Variants in ARHGAP21 observed in about 807,000 individuals in gnomAD.
The protein encoded by ARHGAP21 is Rho GTPase activating protein 21.
ARHGAP21 carries 38 observed loss-of-function variants against 164.6 expected under a neutral mutation model. That is an observed-to-expected ratio of 0.23 (90% CI 0.18 to 0.30). The LOEUF is 0.30. Ranked by LOEUF, ARHGAP21 falls within the 10% of genes least tolerant of loss-of-function variation. ARHGAP21 has a pLI of 1.00. For missense variants in ARHGAP21, 1,822 were observed against 2,370.7 expected, an observed-to-expected ratio of 0.77 and a Z score of 4.81; for synonymous variants, 766 against 857.9, an observed-to-expected ratio of 0.89 and a Z score of 1.87.
chr10:24,619,153 A>T (rs1380677853), intron 9 of ARHGAP21, among the ~76,000 whole-genome samples: 1 of 152,210 alleles, frequency 6.6e-6, no homozygotes, highest in East Asian at 1.9e-4. Flanking sequence ...TTTTTCATTC[A>T]CCTGAATCAA....
chr10:24,614,686 G>A (rs2077401360), intron 9 of ARHGAP21, among the ~76,000 whole-genome samples: 1 of 151,412 alleles, frequency 6.6e-6, no homozygotes, highest in Non-Finnish European at 1.5e-5. Context: ...GGGAGACTGA[G>A]GTGGGAGAAT....
At chr10:24,586,910 C>T (rs375951638) in intron 25 of ARHGAP21, among the ~76,000 whole-genome samples, 64 of 152,138 alleles carry the variant, frequency 4.2e-4, no homozygotes, top group African/African-American at 1.3e-3. Flanking sequence ...CATGGTGGCA[C>T]GCACCTGTGG....
rs1269191072 is a variant in ARHGAP21 at position 24,590,363 on chromosome 10, C to T, written c.4150+862G>A. 2.0e-6 allele frequency: 3 copies of T among 1,535,354 alleles called. No individual in the cohort carries two copies. In the Admixed American group the frequency reaches 5.9e-5, roughly 30 times the overall value. ...TACAAGAATCGGGGATTTCTGCAGA[C>T]AAGGCAGCTACAGTGTGGACAACAG... On this transcript the variant is annotated intron_variant, in intron 24 of 25. Coordinates refer to ENST00000396432, the MANE Select transcript of ARHGAP21 (RefSeq NM_020824.4).
chr10:24,717,689 C>T (rs928385122), intron 2 of ARHGAP21, among the ~76,000 whole-genome samples: 3 of 152,122 alleles, frequency 2.0e-5, no homozygotes, highest in Non-Finnish European at 4.4e-5. Context: ...TACCAAAGTC[C>T]TTTCAGACTT....
Position 24,619,467 on chromosome 10 carries a change from G to A in ARHGAP21, c.2422+6C>T. 1 of 1,610,582 alleles carries A rather than the reference G, an allele frequency of 6.2e-7. No homozygotes were observed. The highest frequency in any genetic ancestry group is 1.3e-5 in the African/African-American group (1 of 74,818). On this transcript the variant is annotated splice_donor_region_variant and intron_variant, in intron 9 of 25. Coordinates refer to ENST00000396432, the MANE Select transcript of ARHGAP21 (RefSeq NM_020824.4). ...CATATTAGCCAATGACTCTAAATGA[G>A]CTCACCTATAAATGGGATGGAAGCC... is the stretch of plus-strand genomic sequence containing the variant.
intron 2 of ARHGAP21, among the ~76,000 whole-genome samples, chr10:24,690,844 A>C (rs896467522): frequency 6.7e-6 from 1 of 150,372 alleles, no homozygotes; most frequent in Non-Finnish European, 1.5e-5. Flanking sequence ...AAAAATATAT[A>C]TATATATATA....
chr10:24,690,195 T>C (rs1180524640), intron 2 of ARHGAP21, among the ~76,000 whole-genome samples: 1 of 152,170 alleles, frequency 6.6e-6, no homozygotes, highest in Non-Finnish European at 1.5e-5. Flanking sequence ...TAACTACAAC[T>C]GCCTTGTAGA....
Position 24,619,607 on chromosome 10 carries a change from T to G in ARHGAP21, c.2288A>C (p.Gln763Pro). The change falls in exon 9 of 26, where the codon CAG becomes CCG. Residue 763 changes from glutamine to proline, a missense_variant. Transcript: ENST00000396432. Reference sequence around the variant, plus strand: ...GCAGGTAGTGTCTGACCCGGTCTCCTGGTCATTTACTGCCAAGATGTAAGA... The same window carrying G: ...GCAGGTAGTGTCTGACCCGGTCTCCGGGTCATTTACTGCCAAGATGTAAGA... ...HQSYILAVND[Q>P]ETGSDTTCWL... 1 of 1,614,186 alleles carries G rather than the reference T, an allele frequency of 6.2e-7. No homozygotes were observed. Among genetic ancestry groups the G allele is most frequent in the Non-Finnish European group, 8.5e-7 (1 of 1,180,042 alleles).
intron 3 of ARHGAP21, among the ~76,000 whole-genome samples, chr10:24,669,397 T>G (rs1840486962): frequency 6.6e-6 from 1 of 152,138 alleles, no homozygotes; most frequent in African/African-American, 2.4e-5. Context: ...CAAATGAAAA[T>G]GGAAATCTAG....
At chr10:24,611,124 CTGGCCCTCCTG>C (rs2077240368) in intron 9 of ARHGAP21, among the ~76,000 whole-genome samples, 1 of 152,174 alleles carries the variant, frequency 6.6e-6, no homozygotes, top group Admixed American at 6.5e-5. Flanking sequence ...ACAGGAGCGG[CTGGCCCTCCTG>C]TGGGCGGGCA....
chr10:24,707,942 T>A (rs1178620515), intron 2 of ARHGAP21, among the ~76,000 whole-genome samples: 1 of 152,186 alleles, frequency 6.6e-6, no homozygotes, highest in East Asian at 1.9e-4. Context: ...ATGACTACTC[T>A]ATAAATTCCT....
rs1143061 is a variant in ARHGAP21 at position 24,585,362 on chromosome 10, C to T, written c.4927G>A (p.Val1643Met). 2.0e-5 allele frequency: 32 copies of T among 1,613,604 alleles called. No homozygotes were observed. The highest frequency in any genetic ancestry group is 2.5e-5 in the Non-Finnish European group (29 of 1,180,024). Residue 1643 changes from valine (V) to methionine (M), a missense_variant, in exon 26 of 26, where the codon GTG becomes ATG. By Grantham distance (21) the Val-to-Met change is conservative (BLOSUM62 1). Coordinates refer to ENST00000396432, the MANE Select transcript of ARHGAP21 (RefSeq NM_020824.4). ...TCTGAAGTCAAGGCTGTGGGGAACA[C>T]GGGAAACTCGCTCTCGCTGTCGGTT... The part of the protein sequence containing the change: ...VETDSESEFP[V>M]FPTALTSERL...
Position 24,585,723 on chromosome 10 carries a change from G to A in ARHGAP21, c.4566C>T (p.Ala1522=), listed in dbSNP as rs1165384906. The change falls in exon 26 of 26, where the codon GCC becomes GCT. Residue 1522 remains alanine (A), a synonymous_variant. Transcript: ENST00000396432. ...NKSPTLSCRF[A]ILKESPRSLL... is the part of the protein sequence containing the mutation. Reference sequence around the variant, plus strand: ...GTGACCTGGGGCTCTCTTTCAGGATGGCAAAGCGACAGCTGAGAGTTGGTG... The same window carrying A: ...GTGACCTGGGGCTCTCTTTCAGGATAGCAAAGCGACAGCTGAGAGTTGGTG... 2 of 1,614,112 alleles carry A rather than the reference G, an allele frequency of 1.2e-6. No homozygotes were observed. Among genetic ancestry groups the A allele is most frequent in the East Asian group, 4.5e-5 (2 of 44,874 alleles).
chr10:24,606,253 TA>T (rs1267254626), intron 11 of ARHGAP21, among the ~76,000 whole-genome samples: 4 of 151,954 alleles, frequency 2.6e-5, no homozygotes, highest in South Asian at 2.1e-4. Context: ...TTGCATGGTT[TA>T]AAAAAAATGA....
At chr10:24,676,225 T>C (rs1841228606) in intron 2 of ARHGAP21, among the ~76,000 whole-genome samples, 4 of 152,342 alleles carry the variant, frequency 2.6e-5, no homozygotes, top group South Asian at 4.1e-4. Flanking sequence ...TATTAATCAT[T>C]GTTTCCTATC....
At chr10:24,599,541 T>C (rs1221717557) in intron 14 of ARHGAP21, among the ~76,000 whole-genome samples, 1 of 152,204 alleles carries the variant, frequency 6.6e-6, no homozygotes, top group Non-Finnish European at 1.5e-5. Context: ...AATTAGAACA[T>C]AATTTGCATA....
intron 2 of ARHGAP21, among the ~76,000 whole-genome samples, chr10:24,721,370 C>T (rs1845912630): frequency 6.6e-6 from 1 of 152,148 alleles, no homozygotes; most frequent in South Asian, 2.1e-4. Flanking sequence ...AGCCAGACTC[C>T]CCTCGTCAGT....
At chr10:24,674,453 G>A (rs1216416858) in intron 2 of ARHGAP21, among the ~76,000 whole-genome samples, 28 of 152,090 alleles carry the variant, frequency 1.8e-4, no homozygotes, top group African/African-American at 3.4e-4. Flanking sequence ...CCAGGGAGGC[G>A]GAGGTTGCAG....
intron 2 of ARHGAP21, among the ~76,000 whole-genome samples, chr10:24,709,347 GAACT>G (rs1437175464): frequency 2.6e-5 from 4 of 152,112 alleles, no homozygotes; most frequent in Non-Finnish European, 4.4e-5. Context: ...GAACTAAAAA[GAACT>G]AATACCAATC....
Sources: allele counts gnomAD v4.1 joint callset (sites outside exome capture counted in the v4.1 genomes callset), GRCh38; gene constraint gnomAD v4.1.1; transcripts MANE v1.5; gene names NCBI Gene and HGNC (gene_info 2026-07-23, HGNC 2026-07-21).